PRKCH: variants seen among roughly 807,000 people sequenced by gnomAD.
The protein encoded by PRKCH is protein kinase C eta, also known as protein kinase C eta type.
In PRKCH, 28 loss-of-function variants were observed where a neutral mutation model predicts 82.5. The observed-to-expected ratio is 0.34, with a 90% CI of 0.25 to 0.47. PRKCH has a LOEUF of 0.47. Ranked by LOEUF, PRKCH falls within the 20% of genes least tolerant of loss-of-function variation. The pLI is 1.00. For synonymous variants in PRKCH, 322 were observed against 327.4 expected, an observed-to-expected ratio of 0.98 and a Z score of 0.18; for missense variants, 705 against 881.8, an observed-to-expected ratio of 0.80 and a Z score of 2.54.
Position 61,402,835 on chromosome 14 carries a change from TGTC to T in PRKCH, c.427+11548_427+11550del, listed in dbSNP as rs1594667364. On this transcript the variant is annotated intron_variant, in intron 2 of 13. Transcript: ENST00000332981. Reference sequence around the variant, plus strand: ...AAAAAGAAAAAAGAAAGAATCTAGCTGTCTTTTTTTTTAATTAATTAATTAATT... The same window carrying T: ...AAAAAGAAAAAAGAAAGAATCTAGCTTTTTTTTTTAATTAATTAATTAATT... Among the ~76,000 whole-genome samples, 13 of 144,482 alleles carry T rather than the reference TGTC, an allele frequency of 9.0e-5. No individual in the cohort carries two copies. The East Asian group carries it at 2.7e-3, about 30-fold the overall frequency. The allele number at this position is 144,482 out of a possible 152,430, so 94.8% of individuals were successfully genotyped here.
intron 3 of PRKCH, among the ~76,000 whole-genome samples, chr14:61,444,730 A>T (rs1884139504): frequency 6.6e-6 from 1 of 152,218 alleles, no homozygotes; most frequent in Admixed American, 6.5e-5. Flanking sequence ...TGACTTAGTC[A>T]AGTTGCGTAG....
chr14:61,453,233 A>AATG lies in PRKCH; in HGVS notation c.842_844dup (p.Met281dup). The AATG allele has an allele frequency of 6.2e-7, 1 of 1,614,188 alleles. No homozygotes were observed. On this transcript the variant is annotated inframe_insertion, in exon 7 of 14. Coordinates refer to ENST00000332981, the MANE Select transcript of PRKCH (RefSeq NM_006255.5). Reference sequence around the variant, plus strand: ...TTTTCCTTTTCCCTCTAGTATGTAAAATGAATGTGCATATTCGATGTCAAG... The same window carrying AATG: ...TTTTCCTTTTCCCTCTAGTATGTAAAATGATGAATGTGCATATTCGATGTCAAG...
At chr14:61,293,784 C>T (rs911860737) in intron 1 of PRKCH, among the ~76,000 whole-genome samples, 3 of 152,146 alleles carry the variant, frequency 2.0e-5, no homozygotes, top group Admixed American at 1.3e-4. Flanking sequence ...AGTTAGTTTC[C>T]TAGACAGCAC....
chr14:61,488,739 TA>T (rs1886332611), intron 10 of PRKCH, among the ~76,000 whole-genome samples: 1 of 152,230 alleles, frequency 6.6e-6, no homozygotes, highest in South Asian at 2.1e-4. Flanking sequence ...CATTGGATAT[TA>T]CCGCCCCTCA....
intron 1 of PRKCH, among the ~76,000 whole-genome samples, chr14:61,247,020 G>A (rs926069134): frequency 6.6e-6 from 1 of 152,146 alleles, no homozygotes; most frequent in African/African-American, 2.4e-5. Context: ...ATGCTGAGAT[G>A]CTCTCTAGCC....
intron 1 of PRKCH, among the ~76,000 whole-genome samples, chr14:61,283,839 AAAAAT>A (rs1461059993): frequency 8.5e-5 from 13 of 152,314 alleles, no homozygotes; most frequent in African/African-American, 2.6e-4. Context: ...CTCAAAAAAT[AAAAAT>A]AAAATAAAAA....
At chr14:61,317,089 C>T (rs575208672), upstream of PRKCH, among the ~76,000 whole-genome samples, 12 of 152,298 alleles carry the variant, frequency 7.9e-5, no homozygotes, top group East Asian at 1.9e-4. Flanking sequence ...CAATTTTGGG[C>T]GGCAGGCTGA....
At chr14:61,293,699 T>C (rs2045382742) in intron 1 of PRKCH, among the ~76,000 whole-genome samples, 1 of 152,206 alleles carries the variant, frequency 6.6e-6, no homozygotes, top group Admixed American at 6.5e-5. Context: ...TGCTAAATAA[T>C]AGAAGGTTAC....
intron 2 of PRKCH, among the ~76,000 whole-genome samples, chr14:61,408,221 C>G (rs1026645785): frequency 6.6e-6 from 1 of 152,206 alleles, no homozygotes; most frequent in African/African-American, 2.4e-5. Flanking sequence ...GGCATTCCCA[C>G]TCTAGGTTTT....
chr14:61,428,420 C>T (rs1307214850), intron 2 of PRKCH, among the ~76,000 whole-genome samples: 1 of 152,134 alleles, frequency 6.6e-6, no homozygotes, highest in African/African-American at 2.4e-5. Flanking sequence ...CTCTTTGCGT[C>T]ATGGCTTTCA....
chr14:61,475,706 A>G (rs1355254831), intron 9 of PRKCH, among the ~76,000 whole-genome samples: 1 of 152,268 alleles, frequency 6.6e-6, no homozygotes, highest in Non-Finnish European at 1.5e-5. Context: ...AGGAAATAAT[A>G]TGCAATATAA....
Position 61,323,320 on chromosome 14 carries a change from G to C in PRKCH, c.363+856G>C, listed in dbSNP as rs75987672. On this transcript the variant is annotated intron_variant, in intron 1 of 13. Transcript: ENST00000332981. ...TTAAAACTTCTAGAGCGCTCTACAC[G>C]GTGCTAACATGCTTTTACTGCCTAA... 6.1e-3 allele frequency among the ~76,000 whole-genome samples: 927 copies of C among 152,246 alleles called. 39 individuals are homozygous for C. In the East Asian group the frequency reaches 0.095, roughly 16 times the overall value.
intron 10 of PRKCH, among the ~76,000 whole-genome samples, chr14:61,496,463 C>T (rs1279971182): frequency 1.3e-5 from 2 of 152,226 alleles, no homozygotes; most frequent in Non-Finnish European, 2.9e-5. Context: ...GCTTAGAATG[C>T]TCCCCCATCT....
intron 1 of PRKCH, among the ~76,000 whole-genome samples, chr14:61,312,561 T>C (rs1480344565): frequency 6.6e-6 from 1 of 152,194 alleles, no homozygotes; most frequent in Non-Finnish European, 1.5e-5. Flanking sequence ...TGGGTAATTT[T>C]TTTTAAAAAG....
At chr14:61,255,962 A>G (rs1461387818) in intron 1 of PRKCH, among the ~76,000 whole-genome samples, 1 of 152,154 alleles carries the variant, frequency 6.6e-6, no homozygotes, top group East Asian at 1.9e-4. Flanking sequence ...TGGGTTGTTC[A>G]CTTGAAATGA....
intron 9 of PRKCH, among the ~76,000 whole-genome samples, chr14:61,458,394 C>T (rs1305645189): frequency 2.0e-5 from 3 of 152,188 alleles, no homozygotes; most frequent in Admixed American, 6.5e-5. Flanking sequence ...ATTTGTTGCT[C>T]AGTGACATTG....
rs962667318 is a variant in PRKCH, at chr14:61,209,453, G to T, written c.-19+21785G>T. ...AAATGTCTGTTCTTTAAGTCACCCAGTCTATCGTATTTTATCATAGCATCC... is the reference window on the plus strand; with the variant it reads ...AAATGTCTGTTCTTTAAGTCACCCATTCTATCGTATTTTATCATAGCATCC... On this transcript the variant is annotated intron_variant, in intron 1 of 3. Coordinates refer to the PRKCH transcript ENST00000555185. Among the ~76,000 whole-genome samples, 3 of 151,832 alleles carry T rather than the reference G, an allele frequency of 2.0e-5. No individual in the cohort carries two copies. The East Asian group carries it at 5.8e-4, about 29-fold the overall frequency.
chr14:61,390,249 C>T (rs114930120), intron 1 of PRKCH, among the ~76,000 whole-genome samples: 4,180 of 152,128 alleles, frequency 0.027, 168 homozygotes, highest in African/African-American at 0.094. Context: ...TGGGGTCTTT[C>T]GGAAACTGGA....
At chr14:61,516,972 GTCT>G (rs747183332) in intron 10 of PRKCH, among the ~76,000 whole-genome samples, 10 of 152,158 alleles carry the variant, frequency 6.6e-5, no homozygotes, top group Non-Finnish European at 1.5e-4. Context: ...AAGTGCAAGT[GTCT>G]TCTTGTGTTT....
Sources: gnomAD v4.1 joint callset for allele counts (sites outside exome capture counted in the v4.1 genomes callset) on GRCh38, gnomAD v4.1.1 for gene constraint, MANE v1.5 for transcripts, NCBI Gene and HGNC (gene_info 2026-07-23, HGNC 2026-07-21) for gene names.